BMP2K: variants seen among roughly 807,000 people sequenced by gnomAD.
BMP2K encodes BMP-2-inducible protein kinase.
In BMP2K, 74 loss-of-function variants were observed where a neutral mutation model predicts 116.0. That is an observed-to-expected ratio of 0.64 (90% CI 0.53 to 0.77). The LOEUF (loss-of-function observed/expected upper bound fraction) is 0.77, where lower values mean the gene tolerates loss of function less well. BMP2K is among the 30% of genes least tolerant of loss of function. BMP2K has a pLI of 0.00. For missense variants in BMP2K, 1,365 were observed against 1,403.6 expected (o/e 0.97, Z 0.44); for synonymous variants, 486 against 502.5 (o/e 0.97, Z 0.44).
chr4:78,815,850 G>A (rs1303521667), intron 1 of BMP2K, among the ~76,000 whole-genome samples: 3 of 152,080 alleles, frequency 2.0e-5, no homozygotes, highest in African/African-American at 4.8e-5. Context: ...TACTCATTAA[G>A]CATTAGTGGG....
At chr4:78,786,390 C>T (rs1727729157) in intron 1 of BMP2K, among the ~76,000 whole-genome samples, 1 of 146,622 alleles carries the variant, frequency 6.8e-6, no homozygotes, top group Non-Finnish European at 1.5e-5. Flanking sequence ...AATTCTGTTG[C>T]TTATAAGCCA....
At chr4:78,862,647 C>CTTCT (rs372249977) in intron 9 of BMP2K, among the ~76,000 whole-genome samples, 27 of 152,140 alleles carry the variant, frequency 1.8e-4, no homozygotes, top group Admixed American at 4.6e-4. Flanking sequence ...AATTTTCAAC[C>CTTCT]TTCTAGTCAG....
At chr4:78,839,976 G>T (rs562768248) in intron 3 of BMP2K, among the ~76,000 whole-genome samples, 1 of 152,100 alleles carries the variant, frequency 6.6e-6, no homozygotes, top group African/African-American at 2.4e-5. Flanking sequence ...TCAGTACTTT[G>T]CATCCTTCAG....
At chr4:78,880,563 G>A (rs1732846188) in intron 14 of BMP2K, among the ~76,000 whole-genome samples, 1 of 152,020 alleles carries the variant, frequency 6.6e-6, no homozygotes, top group African/African-American at 2.4e-5. Context: ...ACATTATTTT[G>A]TATCTTATAA....
intron 15 of BMP2K, among the ~76,000 whole-genome samples, chr4:78,909,374 T>C (rs1329557533): frequency 7.2e-6 from 1 of 139,130 alleles, no homozygotes; most frequent in African/African-American, 2.7e-5. Context: ...TTTTTTTTTA[T>C]GTAAACCTAA....
chr4:78,819,122 C>A (rs192429522), intron 1 of BMP2K, among the ~76,000 whole-genome samples: 1 of 152,074 alleles, frequency 6.6e-6, no homozygotes, highest in Admixed American at 6.6e-5. Context: ...AAAAAATGTT[C>A]CGCTAAATTT....
chr4:78,890,675 T>G (rs1409880411), intron 15 of BMP2K, among the ~76,000 whole-genome samples: 1 of 152,202 alleles, frequency 6.6e-6, no homozygotes, highest in Non-Finnish European at 1.5e-5. Flanking sequence ...GTAAATTTCC[T>G]CCCAGTTTAA....
At chr4:78,872,085 A>G in intron 12 of BMP2K, 137 bp downstream of exon 12, 1 of 665,630 alleles carries the variant, frequency 1.5e-6, no homozygotes, top group East Asian at 3.0e-5. Context: ...AAAGCCAGTC[A>G]TATATTCTCA....
At position 78,776,403 on chromosome 4, in the gene BMP2K, A is replaced by C; in HGVS notation, c.-141A>C. On this transcript the variant is annotated 5_prime_UTR_variant, in exon 1 of 16. Coordinates refer to ENST00000502613, the MANE Select transcript of BMP2K (RefSeq NM_198892.2). ...CGGGGCCCAGGCTGTGCGCTTGGGGAGCGCGGAATGTGAGGCTTGGCGGGC... is the reference window on the plus strand; with the variant it reads ...CGGGGCCCAGGCTGTGCGCTTGGGGCGCGCGGAATGTGAGGCTTGGCGGGC... The C allele has an allele frequency of 4.4e-5, 35 of 792,432 alleles. No individual in the cohort carries two copies. Among genetic ancestry groups the C allele is most frequent in the East Asian group, 7.8e-5 (1 of 12,882 alleles). The allele number at this position is 792,432 out of a possible 1,614,324, so 49.1% of individuals were successfully genotyped here.
At chr4:78,873,338 A>G (rs1357393619) in intron 13 of BMP2K, among the ~76,000 whole-genome samples, 1 of 152,242 alleles carries the variant, frequency 6.6e-6, no homozygotes, top group Admixed American at 6.5e-5. Context: ...AGCGTTATAA[A>G]TTAAATAACT....
chr4:78,849,617 A>C (rs1209789088), intron 6 of BMP2K, among the ~76,000 whole-genome samples: 1 of 151,570 alleles, frequency 6.6e-6, no homozygotes, highest in African/African-American at 2.4e-5. Context: ...AGTGTTGTTA[A>C]GGGAGTCTTA....
intron 1 of BMP2K, among the ~76,000 whole-genome samples, chr4:78,811,823 T>G (rs1298409773): frequency 6.6e-6 from 1 of 152,206 alleles, no homozygotes; most frequent in East Asian, 1.9e-4. Flanking sequence ...ATGTATTGGC[T>G]TACAAAAACC....
At chr4:78,802,804 CATT>C (rs1728631449) in intron 1 of BMP2K, among the ~76,000 whole-genome samples, 1 of 151,816 alleles carries the variant, frequency 6.6e-6, no homozygotes, top group Admixed American at 6.6e-5. Flanking sequence ...ATCTCTGCAC[CATT>C]ATTATATAAT....
At chr4:78,829,775 CTTT>C (rs1305382263) in intron 2 of BMP2K, among the ~76,000 whole-genome samples, 57 of 113,386 alleles carry the variant, frequency 5.0e-4, no homozygotes, top group African/African-American at 2.3e-3. Flanking sequence ...CTTTTCTTTT[CTTT>C]TCTTTTCTTT....
At chr4:78,810,120 A>G (rs1729014533) in intron 1 of BMP2K, among the ~76,000 whole-genome samples, 1 of 152,206 alleles carries the variant, frequency 6.6e-6, no homozygotes, top group Non-Finnish European at 1.5e-5. Context: ...TGGTCAACTA[A>G]TGATTGGACA....
At chr4:78,785,611 A>G (rs997681450) in intron 1 of BMP2K, among the ~76,000 whole-genome samples, 6 of 152,150 alleles carry the variant, frequency 3.9e-5, no homozygotes, top group African/African-American at 1.4e-4. Context: ...CAATATATGT[A>G]TTTTAGAGAG....
chr4:78,776,472 C>T lies in BMP2K; in HGVS notation c.-72C>T. ...GCCAGGGGCGGCGACCCCTCGCGGA[C>T]GCCCGGCTGCGCGCCGGGCCGGGGA... is the stretch of plus-strand genomic sequence containing the variant. On this transcript the variant is annotated 5_prime_UTR_variant, in exon 1 of 16. It adds an upstream start codon to the 5' untranslated region. Coordinates refer to ENST00000502613, the MANE Select transcript of BMP2K (RefSeq NM_198892.2). The T allele has an allele frequency of 9.1e-7, 1 of 1,104,272 alleles. No individual in the cohort carries two copies. Among genetic ancestry groups the T allele is most frequent in the East Asian group, 5.5e-5 (1 of 18,092 alleles). The allele number at this position is 1,104,272 out of a possible 1,614,324, so 68.4% of individuals were successfully genotyped here.
intron 5 of BMP2K, among the ~76,000 whole-genome samples, chr4:78,845,702 G>A (rs1730966467): frequency 6.6e-6 from 1 of 151,684 alleles, no homozygotes; most frequent in Non-Finnish European, 1.5e-5. Context: ...GATACAGAAT[G>A]CAGGAAGATC....
intron 3 of BMP2K, among the ~76,000 whole-genome samples, chr4:78,839,720 G>A (rs1464585411): frequency 2.0e-5 from 3 of 152,162 alleles, no homozygotes; most frequent in East Asian, 1.9e-4. Flanking sequence ...AAGCCAGTCC[G>A]ACTGCAAAAA....
Sources: gnomAD v4.1 joint callset for allele counts (sites outside exome capture counted in the v4.1 genomes callset) on GRCh38, gnomAD v4.1.1 for gene constraint, MANE v1.5 for transcripts, NCBI Gene and HGNC (gene_info 2026-07-23, HGNC 2026-07-21) for gene names.